Variants in HS6ST3 observed in about 807,000 individuals in gnomAD.
The protein encoded by HS6ST3 is heparan sulfate 6-O-sulfotransferase 3, also known as heparan-sulfate 6-O-sulfotransferase 3.
In HS6ST3, 12 loss-of-function variants were observed where a neutral mutation model predicts 36.7. That is an observed-to-expected ratio of 0.33 (90% CI 0.21 to 0.53). The LOEUF (loss-of-function observed/expected upper bound fraction) is 0.53, where lower values mean the gene tolerates loss of function less well. HS6ST3 is among the 20% of genes least tolerant of loss of function. The pLI is 0.95. For missense variants in HS6ST3, 584 were observed against 640.9 expected (o/e 0.91, Z 0.96); for synonymous variants, 240 against 257.5 (o/e 0.93, Z 0.65).
Position 96,167,170 on chromosome 13 carries a change from C to T in HS6ST3, c.707+75601C>T, listed in dbSNP as rs558007642. ...AAGACTAGCGATCAGATCCCTGACA[C>T]TTACCTCTCTTATTTCCAGTTTTCC... On this transcript the variant is annotated intron_variant, in intron 1 of 1. Transcript: ENST00000376705. 2.0e-5 allele frequency among the ~76,000 whole-genome samples: 3 copies of T among 152,276 alleles called. No homozygotes were observed. The South Asian group carries it at 6.2e-4, about 32-fold the overall frequency.
At chr13:96,413,039 A>C (rs1425506702) in intron 1 of HS6ST3, among the ~76,000 whole-genome samples, 1 of 152,146 alleles carries the variant, frequency 6.6e-6, no homozygotes, top group Non-Finnish European at 1.5e-5. Context: ...CCCAAGAGTA[A>C]AAATGGACTG....
At chr13:96,182,904 T>A (rs1431288883) in intron 1 of HS6ST3, among the ~76,000 whole-genome samples, 1 of 152,230 alleles carries the variant, frequency 6.6e-6, no homozygotes, top group African/African-American at 2.4e-5. Flanking sequence ...CTTTTCAAAG[T>A]CTTCTGCAAT....
At chr13:96,501,614 T>C (rs753985664) in intron 1 of HS6ST3, among the ~76,000 whole-genome samples, 2 of 152,198 alleles carry the variant, frequency 1.3e-5, no homozygotes, top group Non-Finnish European at 2.9e-5. Context: ...GAACAAATAT[T>C]TGAACAAAGT....
intron 1 of HS6ST3, among the ~76,000 whole-genome samples, chr13:96,711,648 C>G (rs1298968106): frequency 6.6e-6 from 1 of 152,128 alleles, no homozygotes; most frequent in Non-Finnish European, 1.5e-5. Context: ...CTAAGGATGT[C>G]TCTTTATCAA....
At chr13:96,441,545 A>G (rs2055671316) in intron 1 of HS6ST3, among the ~76,000 whole-genome samples, 1 of 152,176 alleles carries the variant, frequency 6.6e-6, no homozygotes, top group African/African-American at 2.4e-5. Flanking sequence ...CATTACAGAG[A>G]AAGAGCTACA....
intron 1 of HS6ST3, among the ~76,000 whole-genome samples, chr13:96,255,703 T>C (rs1219481940): frequency 6.6e-6 from 1 of 152,188 alleles, no homozygotes; most frequent in African/African-American, 2.4e-5. Context: ...GTGCTAAAAC[T>C]AGCCTTTGTC....
At chr13:96,390,735 C>T (rs1024557724) in intron 1 of HS6ST3, among the ~76,000 whole-genome samples, 13 of 152,278 alleles carry the variant, frequency 8.5e-5, no homozygotes, top group Middle Eastern at 3.4e-3. Flanking sequence ...CCAACAAGTG[C>T]CCCCTTCCTT....
chr13:96,779,316 C>T (rs1877469313), intron 1 of HS6ST3, among the ~76,000 whole-genome samples: 1 of 147,454 alleles, frequency 6.8e-6, no homozygotes, highest in African/African-American at 2.5e-5. Flanking sequence ...CTTAAAGTAT[C>T]AATAATAATA....
intron 1 of HS6ST3, among the ~76,000 whole-genome samples, chr13:96,590,329 C>T (rs1377323532): frequency 2.6e-5 from 4 of 152,098 alleles, no homozygotes; most frequent in African/African-American, 9.7e-5. Context: ...TCCCTTTTCT[C>T]TGTATTCTCA....
chr13:96,786,179 A>G (rs1039594601), intron 1 of HS6ST3, among the ~76,000 whole-genome samples: 1 of 152,058 alleles, frequency 6.6e-6, no homozygotes, highest in Non-Finnish European at 1.5e-5. Flanking sequence ...TCTCTGCAAC[A>G]GAACACTCTT....
At chr13:96,817,754 A>G (rs1429840100) in intron 1 of HS6ST3, among the ~76,000 whole-genome samples, 1 of 152,222 alleles carries the variant, frequency 6.6e-6, no homozygotes, top group Non-Finnish European at 1.5e-5. Context: ...AGATAGCAGC[A>G]GATGTCAGCA....
At chr13:96,637,120 T>C (rs1426066733) in intron 1 of HS6ST3, among the ~76,000 whole-genome samples, 3 of 152,190 alleles carry the variant, frequency 2.0e-5, no homozygotes, top group Non-Finnish European at 4.4e-5. Context: ...TAAAATTTGC[T>C]GGTGCTTGAT....
chr13:96,659,954 A>C (rs2056640709), intron 1 of HS6ST3, among the ~76,000 whole-genome samples: 1 of 152,158 alleles, frequency 6.6e-6, no homozygotes, highest in Non-Finnish European at 1.5e-5. Context: ...TAAACATTCA[A>C]CATAATGCCA....
chr13:96,349,346 T>G (rs550094669), intron 1 of HS6ST3, among the ~76,000 whole-genome samples: 1 of 152,344 alleles, frequency 6.6e-6, no homozygotes, highest in South Asian at 2.1e-4. Context: ...CTACATTATA[T>G]TCTTCTTAAG....
intron 1 of HS6ST3, among the ~76,000 whole-genome samples, chr13:96,322,581 A>G (rs956512754): frequency 1.3e-5 from 2 of 152,022 alleles, no homozygotes; most frequent in Non-Finnish European, 2.9e-5. Context: ...AAAATAAAAT[A>G]AAATTTTAAA....
intron 1 of HS6ST3, among the ~76,000 whole-genome samples, chr13:96,712,700 TAC>T (rs558934094): frequency 6.0e-4 from 92 of 152,272 alleles, no homozygotes; most frequent in African/African-American, 2.0e-3. Context: ...GAAGGTCCAC[TAC>T]AGTTTCCTGA....
intron 1 of HS6ST3, among the ~76,000 whole-genome samples, chr13:96,798,682 T>C (rs1239366730): frequency 1.3e-5 from 2 of 152,090 alleles, no homozygotes; most frequent in African/African-American, 4.8e-5. Flanking sequence ...GCTTACCTTA[T>C]AGAGTTAGGG....
Position 96,596,910 on chromosome 13 carries a change from T to C in HS6ST3, c.708-235580T>C, listed in dbSNP as rs116398558. On this transcript the variant is annotated intron_variant, in intron 1 of 1. Transcript: ENST00000376705. Reference sequence around the variant, plus strand: ...ACGTTCATTGCAGCACTATTTATAATAGCAAAGACATAGATTCAAACTAAA... The same window carrying C: ...ACGTTCATTGCAGCACTATTTATAACAGCAAAGACATAGATTCAAACTAAA... 5.9e-3 allele frequency among the ~76,000 whole-genome samples: 892 copies of C among 152,264 alleles called. 5 individuals are homozygous for C. The highest frequency in any genetic ancestry group is 0.02 in the African/African-American group (843 of 41,552).
At chr13:96,568,774 G>T (rs1283181131) in intron 1 of HS6ST3, among the ~76,000 whole-genome samples, 1 of 152,144 alleles carries the variant, frequency 6.6e-6, no homozygotes, top group Non-Finnish European at 1.5e-5. Context: ...TACTGTGTTT[G>T]TCCTGCTGAA....
Sources: allele counts gnomAD v4.1 joint callset (sites outside exome capture counted in the v4.1 genomes callset), GRCh38; gene constraint gnomAD v4.1.1; transcripts MANE v1.5; gene names NCBI Gene and HGNC (gene_info 2026-07-23, HGNC 2026-07-21).